CPLX1: variants seen among roughly 807,000 people sequenced by gnomAD.
CPLX1 encodes the protein complexin 1.
Under a neutral mutation model 15.6 loss-of-function variants are expected in CPLX1, and 6 were observed. The observed-to-expected ratio is 0.39, with a 90% CI of 0.21 to 0.76. The LOEUF (loss-of-function observed/expected upper bound fraction) is 0.76, where lower values mean the gene tolerates loss of function less well. Among genes scored for constraint, CPLX1 ranks in the 30% least tolerant of loss-of-function variants. The pLI is 0.43. For synonymous variants in CPLX1, 91 were observed against 75.2 expected (o/e 1.21, Z -1.08); for missense variants, 242 against 188.6 (o/e 1.28, Z -1.66).
chr4:788,478 C>G (rs774787282), intron 3 of CPLX1: 4 of 985,342 alleles, frequency 4.1e-6, no homozygotes, highest in Non-Finnish European at 4.8e-6. Flanking sequence ...CCTGCGCACT[C>G]TTGACAGAGC....
In CPLX1 at chr4:786,628, C is replaced by G. The variant is rs1190074504; in HGVS notation, c.278G>C (p.Ser93Thr). The G allele has an allele frequency of 6.2e-7, 1 of 1,612,648 alleles. No individual in the cohort carries two copies. Residue 93 changes from serine to threonine, a missense_variant, in exon 4 of 4, where the codon AGC becomes ACC. By Grantham distance (58) the Ser-to-Thr change is moderately conservative. Coordinates refer to ENST00000304062, the MANE Select transcript of CPLX1 (RefSeq NM_006651.4). Reference protein sequence around the residue: ...QAAMEANSEGSLTRPKKAIPP... With the variant: ...QAAMEANSEGTLTRPKKAIPP... Reference sequence around the variant, plus strand: ...GATGGCCTTCTTGGGCCGCGTCAAGCTCCCCTCGGAGTTGGCCTCCATGGC... The same window carrying G: ...GATGGCCTTCTTGGGCCGCGTCAAGGTCCCCTCGGAGTTGGCCTCCATGGC...
intron 2 of CPLX1, chr4:804,890 C>T: frequency 1.7e-5 from 17 of 985,262 alleles, no homozygotes; most frequent in Non-Finnish European, 2.0e-5. Flanking sequence ...CATTTTGGAA[C>T]GCAGGCGGCA....
chr4:790,884 G>C (rs966039250), intron 3 of CPLX1, among the ~76,000 whole-genome samples: 1 of 151,464 alleles, frequency 6.6e-6, no homozygotes, highest in East Asian at 1.9e-4. Context: ...CCCTCTCTCT[G>C]TGCCTGTCTC....
intron 2 of CPLX1, among the ~76,000 whole-genome samples, chr4:798,422 T>C (rs1389624155): frequency 6.6e-6 from 1 of 152,044 alleles, no homozygotes; most frequent in Non-Finnish European, 1.5e-5. Flanking sequence ...ACTTCTGTTT[T>C]CTTTTCTTAG....
At chr4:809,195 G>C (rs192211017) in intron 2 of CPLX1, among the ~76,000 whole-genome samples, 63 of 152,368 alleles carry the variant, frequency 4.1e-4, no homozygotes, top group African/African-American at 1.5e-3. Flanking sequence ...GTATCTTGCG[G>C]TTGCTATTCT....
chr4:815,949 A>G (rs1249692426), intron 2 of CPLX1, among the ~76,000 whole-genome samples: 1 of 152,208 alleles, frequency 6.6e-6, no homozygotes, highest in Non-Finnish European at 1.5e-5. Context: ...CAAAATAAAC[A>G]AAAACTTCCC....
At chr4:790,141 T>G (rs577069440) in intron 3 of CPLX1, among the ~76,000 whole-genome samples, 7 of 152,240 alleles carry the variant, frequency 4.6e-5, no homozygotes, top group Non-Finnish European at 7.4e-5. Context: ...AGGAGGACTC[T>G]GTGGGGAAGG....
intron 2 of CPLX1, among the ~76,000 whole-genome samples, chr4:794,225 A>G (rs1395166105): frequency 1.3e-5 from 2 of 152,250 alleles, no homozygotes; most frequent in African/African-American, 2.4e-5. Flanking sequence ...TCACTCAGAC[A>G]GGGCCATGCC....
intron 2 of CPLX1, among the ~76,000 whole-genome samples, chr4:800,733 AAAT>A (rs201869692): frequency 0.28 from 19,305 of 68,906 alleles, 1,796 homozygotes; most frequent in South Asian, 0.49. Flanking sequence ...CTAAAAAAAA[AAAT>A]ATATATATAT....
intron 2 of CPLX1, among the ~76,000 whole-genome samples, chr4:800,724 TAA>T (rs200021525): frequency 0.027 from 2,057 of 76,200 alleles, 47 homozygotes; most frequent in African/African-American, 0.099. Flanking sequence ...CCGTCTCTAC[TAA>T]AAAAAAAAAT....
At chr4:800,566 G>A (rs1253606370) in intron 2 of CPLX1, among the ~76,000 whole-genome samples, 2 of 119,446 alleles carry the variant, frequency 1.7e-5, no homozygotes, top group Admixed American at 1.6e-4. Context: ...ATAAATATAT[G>A]TGTGTGTGTG....
chr4:815,203 G>C (rs1469706728), intron 2 of CPLX1, among the ~76,000 whole-genome samples: 2 of 152,100 alleles, frequency 1.3e-5, no homozygotes, highest in African/African-American at 4.8e-5. Flanking sequence ...CTGAGGTCAG[G>C]AGTTCAAGAC....
At chr4:796,311 C>CATGG (rs1746337884) in intron 2 of CPLX1, among the ~76,000 whole-genome samples, 1 of 152,196 alleles carries the variant, frequency 6.6e-6, no homozygotes, top group African/African-American at 2.4e-5. Flanking sequence ...GAGACCTGGA[C>CATGG]ATGGTACCAG....
chr4:814,244 C>T (rs1316046247), intron 2 of CPLX1, among the ~76,000 whole-genome samples: 2 of 152,004 alleles, frequency 1.3e-5, no homozygotes, highest in Admixed American at 6.6e-5. Flanking sequence ...GACGGAGTCT[C>T]GCTCTGTTGC....
intron 2 of CPLX1, among the ~76,000 whole-genome samples, chr4:816,720 G>C (rs1746763795): frequency 6.6e-6 from 1 of 152,122 alleles, no homozygotes; most frequent in Admixed American, 6.5e-5. Flanking sequence ...TATTCAGGAG[G>C]CTAAGGTAGA....
At chr4:787,054 T>A in intron 3 of CPLX1, 1 of 984,764 alleles carries the variant, frequency 1.0e-6, no homozygotes, top group Non-Finnish European at 1.2e-6. Flanking sequence ...CAGGGAGGGG[T>A]GGGCAGGATG....
chr4:794,545 T>C (rs1213636998), intron 2 of CPLX1, among the ~76,000 whole-genome samples: 1 of 152,150 alleles, frequency 6.6e-6, no homozygotes, highest in Non-Finnish European at 1.5e-5. Flanking sequence ...CTTCTAACAG[T>C]CCCCAGTCAT....
intron 3 of CPLX1, chr4:788,369 T>C (rs73222842): frequency 0.049 from 48,238 of 984,244 alleles, 1,322 homozygotes; most frequent in South Asian, 0.11. Context: ...TTCAGTGAGA[T>C]GGAAAGGAGG....
intron 3 of CPLX1, 72 bp from the exon 4 acceptor site, chr4:786,770 G>C: frequency 6.6e-7 from 1 of 1,510,200 alleles, no homozygotes; most frequent in East Asian, 2.3e-5. Flanking sequence ...CCTGCGCCAG[G>C]GACTGGCCCA....
Sources: gnomAD v4.1 joint callset for allele counts (sites outside exome capture counted in the v4.1 genomes callset) on GRCh38, gnomAD v4.1.1 for gene constraint, MANE v1.5 for transcripts, NCBI Gene and HGNC (gene_info 2026-07-23, HGNC 2026-07-21) for gene names.